Variants in CNTNAP3B observed in about 807,000 individuals in gnomAD.
CNTNAP3B encodes contactin-associated protein-like 3B.
CNTNAP3B carries 25 observed loss-of-function variants against 108.9 expected under a neutral mutation model. That is an observed-to-expected ratio of 0.23 (90% CI 0.17 to 0.32). The LOEUF is 0.32. Among genes scored for constraint, CNTNAP3B ranks in the 10% least tolerant of loss-of-function variants. CNTNAP3B has a pLI of 1.00. For synonymous variants in CNTNAP3B, 103 were observed against 473.4 expected, an observed-to-expected ratio of 0.22 and a Z score of 10.16; for missense variants, 252 against 1,210.4, an observed-to-expected ratio of 0.21 and a Z score of 11.75.
At chr9:42,110,349 C>T (rs1352094942) in intron 1 of CNTNAP3B, among the ~76,000 whole-genome samples, 2 of 136,950 alleles carry the variant, frequency 1.5e-5, no homozygotes, top group Admixed American at 7.3e-5. Context: ...GTGAAAGGAG[C>T]TAAGCACTGT....
intron 3 of CNTNAP3B, among the ~76,000 whole-genome samples, chr9:42,017,009 C>A (rs1384611767): frequency 2.0e-5 from 3 of 151,786 alleles, no homozygotes; most frequent in African/African-American, 7.3e-5. Flanking sequence ...TGAGGGCATT[C>A]TAGCTAAGTA....
intron 3 of CNTNAP3B, among the ~76,000 whole-genome samples, chr9:42,035,658 A>C (rs1459901806): frequency 1.3e-5 from 2 of 150,556 alleles, no homozygotes; most frequent in Admixed American, 1.3e-4. Context: ...AATTACTTAC[A>C]TATTTTTTAT....
chr9:42,078,406 A>C (rs1390227067), intron 2 of CNTNAP3B, among the ~76,000 whole-genome samples: 1 of 139,176 alleles, frequency 7.2e-6, no homozygotes, highest in Non-Finnish European at 1.5e-5. Flanking sequence ...TTTGTTCAAA[A>C]ATATTTTTTC....
At chr9:41,934,729 G>C (rs1424196719) in intron 14 of CNTNAP3B, among the ~76,000 whole-genome samples, 13 of 152,258 alleles carry the variant, frequency 8.5e-5, no homozygotes, top group Admixed American at 2.0e-4. Context: ...ACTTCACCGA[G>C]TGCTTATATT....
At chr9:42,072,345 CTA>C (rs1169136329) in intron 3 of CNTNAP3B, among the ~76,000 whole-genome samples, 7 of 98,444 alleles carry the variant, frequency 7.1e-5, no homozygotes, top group South Asian at 3.6e-4. Context: ...ACTACTACTA[CTA>C]TATATATATA....
At position 42,076,938 on chromosome 9, in the gene CNTNAP3B, G is replaced by C; in HGVS notation, c.321C>G (p.Thr107=). 6.6e-7 allele frequency: 1 copy of C among 1,525,762 alleles called. No individual in the cohort carries two copies. The highest frequency in any genetic ancestry group is 1.8e-5 in the Admixed American group (1 of 54,912). The allele number at this position is 1,525,762 out of a possible 1,614,324, so 94.5% of individuals were successfully genotyped here. ...QGGYGSSDWV[T]SYLLMFSDGG... ...CATCACTGAACATCAGGAGGTAGCTGGTCACCCAGTCAGAGCTCCCATATC... is the reference window on the plus strand; with the variant it reads ...CATCACTGAACATCAGGAGGTAGCTCGTCACCCAGTCAGAGCTCCCATATC... Residue 107 remains threonine, a synonymous_variant, in exon 3 of 24, where the codon ACC becomes ACG. Transcript: ENST00000377561.
intron 14 of CNTNAP3B, among the ~76,000 whole-genome samples, chr9:41,933,332 C>T (rs1471505725): frequency 1.3e-5 from 2 of 152,294 alleles, no homozygotes; most frequent in Admixed American, 6.5e-5. Flanking sequence ...ACAAAAATGT[C>T]TTCAGACAAT....
At chr9:41,933,115 T>G (rs1824031771) in intron 14 of CNTNAP3B, among the ~76,000 whole-genome samples, 1 of 152,246 alleles carries the variant, frequency 6.6e-6, no homozygotes, top group East Asian at 1.9e-4. Flanking sequence ...ACACTTGGCA[T>G]TTTTTGGAAT....
chr9:41,938,580 T>C (rs1824230537), intron 13 of CNTNAP3B, among the ~76,000 whole-genome samples, 180 bp from the exon 14 acceptor site: 2 of 152,410 alleles, frequency 1.3e-5, no homozygotes, highest in Admixed American at 6.5e-5. Context: ...CTAACCAATG[T>C]TTTTCCCCCA....
chr9:41,942,167 C>A (rs1363501820), intron 13 of CNTNAP3B, among the ~76,000 whole-genome samples: 3 of 152,274 alleles, frequency 2.0e-5, no homozygotes, highest in Non-Finnish European at 4.4e-5. Context: ...AAAGACTGAC[C>A]TAATCCTAAG....
At chr9:41,963,897 C>T (rs867502312) in intron 11 of CNTNAP3B, among the ~76,000 whole-genome samples, 11 of 152,246 alleles carry the variant, frequency 7.2e-5, no homozygotes, top group African/African-American at 2.7e-4. Context: ...TTAATATATG[C>T]AAAGCAATAG....
At chr9:42,061,350 G>A (rs868406240) in intron 3 of CNTNAP3B, among the ~76,000 whole-genome samples, 1,128 of 101,020 alleles carry the variant, frequency 0.011, 7 homozygotes, top group African/African-American at 0.041. Flanking sequence ...AGACAGTCTC[G>A]CTCTGTCACC....
intron 3 of CNTNAP3B, among the ~76,000 whole-genome samples, chr9:42,054,480 T>A: frequency 6.6e-6 from 1 of 151,746 alleles, no homozygotes; most frequent in Non-Finnish European, 1.5e-5. Flanking sequence ...ACCCTGCATT[T>A]TGTAATCGAA....
intron 3 of CNTNAP3B, among the ~76,000 whole-genome samples, chr9:42,070,298 A>T (rs1482908036): frequency 1.3e-5 from 2 of 150,532 alleles, no homozygotes; most frequent in East Asian, 3.9e-4. Context: ...GGGAAGCTGT[A>T]CACGAAGATG....
chr9:42,094,715 C>A (rs1587267419), intron 2 of CNTNAP3B, among the ~76,000 whole-genome samples: 1 of 67,030 alleles, frequency 1.5e-5, no homozygotes, highest in African/African-American at 5.9e-5. Context: ...AGGAAAAAAG[C>A]AAGGAAGGAA....
chr9:42,089,656 T>C (rs1017986701), intron 2 of CNTNAP3B, among the ~76,000 whole-genome samples: 1 of 148,378 alleles, frequency 6.7e-6, no homozygotes, highest in African/African-American at 2.5e-5. Flanking sequence ...GTAATTATTT[T>C]CTCTGCCTCT....
At chr9:42,095,554 A>C (rs1827882491) in intron 2 of CNTNAP3B, among the ~76,000 whole-genome samples, 1 of 138,674 alleles carries the variant, frequency 7.2e-6, no homozygotes, top group African/African-American at 2.9e-5. Context: ...AAGCCACTTG[A>C]GCAAATCCGT....
At chr9:42,096,110 C>T (rs1189260638) in intron 2 of CNTNAP3B, among the ~76,000 whole-genome samples, 6 of 140,168 alleles carry the variant, frequency 4.3e-5, no homozygotes, top group South Asian at 4.6e-4. Flanking sequence ...TGCCGCAGGG[C>T]GTCCAGTCCT....
chr9:42,104,139 C>A, intron 2 of CNTNAP3B, among the ~76,000 whole-genome samples: 1 of 113,758 alleles, frequency 8.8e-6, no homozygotes, highest in Non-Finnish European at 1.8e-5. Context: ...GAATCAAGTC[C>A]ACCATAATAA....
Sources: allele counts gnomAD v4.1 joint callset (sites outside exome capture counted in the v4.1 genomes callset), GRCh38; gene constraint gnomAD v4.1.1; transcripts MANE v1.5; gene names NCBI Gene and HGNC (gene_info 2026-07-23, HGNC 2026-07-21).